The following FA2H variants were observed in gnomAD, a reference collection of about 807,000 sequenced individuals.
FA2H encodes fatty acid 2-hydroxylase.
In FA2H, 22 loss-of-function variants were observed where a neutral mutation model predicts 44.9. The observed-to-expected ratio is 0.49, with a 90% CI of 0.35 to 0.70. FA2H has a LOEUF of 0.70. Ranked by LOEUF, FA2H falls within the 30% of genes least tolerant of loss-of-function variation. FA2H has a pLI of 0.01. For synonymous variants in FA2H, 243 were observed against 213.2 expected (o/e 1.14, Z -1.22); for missense variants, 501 against 504.9 (o/e 0.99, Z 0.07).
chr16:74,720,087 C>G lies in FA2H; in HGVS notation c.614-927G>C, dbSNP rs569208260. Among the ~76,000 whole-genome samples the G allele has an allele frequency of 1.1e-4, 17 of 149,850 alleles. No individual in the cohort carries two copies. The South Asian group carries it at 3.7e-3, about 32-fold the overall frequency. ...CTCCGGAGACAGCCTGCAGTCCTAG[C>G]GGCTTTCAGCTCTTTCCTCCACCTC... On this transcript the variant is annotated intron_variant, in intron 4 of 6. Coordinates refer to ENST00000219368, the MANE Select transcript of FA2H (RefSeq NM_024306.5).
rs377183717 is a variant in FA2H, at chr16:74,726,211, G to C, written c.613+14C>G. On this transcript the variant is annotated intron_variant, in intron 4 of 6. Coordinates refer to ENST00000219368, the MANE Select transcript of FA2H (RefSeq NM_024306.5). ...AGGATCCTCAGGGCAAGTCAGGAAA[G>C]AAACTGGCATTACCTGTTGTAAATG... The C allele has an allele frequency of 4.1e-4, 650 of 1,584,088 alleles. 2 individuals are homozygous for C. The highest frequency in any genetic ancestry group is 5.3e-4 in the Non-Finnish European group (610 of 1,153,224).
At chr16:74,725,997 C>A (rs1270813641) in intron 4 of FA2H, 6 of 526,018 alleles carry the variant, frequency 1.1e-5, no homozygotes, top group African/African-American at 1.9e-5. Flanking sequence ...CCCGATGATT[C>A]CATTTAGTTT....
chr16:74,752,702 G>A (rs1287836858), intron 1 of FA2H, among the ~76,000 whole-genome samples: 4 of 152,146 alleles, frequency 2.6e-5, no homozygotes, highest in Admixed American at 6.5e-5. Context: ...GCATATTTGC[G>A]GCTGAATGGA....
intron 5 of FA2H, 109 bp downstream of exon 5, chr16:74,718,879 C>T: frequency 4.5e-6 from 6 of 1,335,268 alleles, no homozygotes; most frequent in Non-Finnish European, 6.3e-6. Context: ...TCCCTCCCAA[C>T]CCACAGCCAG....
At chr16:74,746,204 A>C (rs887362891) in intron 1 of FA2H, among the ~76,000 whole-genome samples, 7 of 152,152 alleles carry the variant, frequency 4.6e-5, no homozygotes, top group African/African-American at 1.7e-4. Context: ...ACTTAGGTCC[A>C]AGTCATAGGA....
chr16:74,730,128 G>A (rs1179526709), intron 2 of FA2H, among the ~76,000 whole-genome samples: 1 of 152,202 alleles, frequency 6.6e-6, no homozygotes, highest in Non-Finnish European at 1.5e-5. Flanking sequence ...CTGCTCTGGA[G>A]GTGGAGCTGG....
In FA2H at chr16:74,727,408, G is replaced by A. The variant is rs141515634; in HGVS notation, c.364-22C>T. ...GGTCCTGCAAGAGATGAAGCCAAGT[G>A]GACGTTTGATATTCACGTCTTCCCA... On this transcript the variant is annotated intron_variant, in intron 2 of 6. Coordinates refer to ENST00000219368, the MANE Select transcript of FA2H (RefSeq NM_024306.5). The A allele has an allele frequency of 1.0e-3, 1,672 of 1,613,818 alleles. 1 individual carries two copies. The highest frequency in any genetic ancestry group is 1.6e-3 in the Admixed American group (98 of 60,012).
At chr16:74,738,098 C>A (rs924955387) in intron 2 of FA2H, among the ~76,000 whole-genome samples, 1 of 152,232 alleles carries the variant, frequency 6.6e-6, no homozygotes, top group Non-Finnish European at 1.5e-5. Flanking sequence ...CCCATGCACA[C>A]CCGGGCAGGT....
chr16:74,716,770 T>A (rs1961714380), intron 5 of FA2H, 171 bp from the exon 6 acceptor site: 1 of 655,984 alleles, frequency 1.5e-6, no homozygotes. Flanking sequence ...CTGGAAGATC[T>A]GGAGAGACTG....
chr16:74,758,723 C>G (rs949282474), intron 1 of FA2H, among the ~76,000 whole-genome samples: 1 of 151,972 alleles, frequency 6.6e-6, no homozygotes, highest in Admixed American at 6.5e-5. Flanking sequence ...GCCAGGAGCT[C>G]GAGACTAGCC....
At chr16:74,743,304 G>A (rs754998591) in intron 1 of FA2H, among the ~76,000 whole-genome samples, 1 of 152,224 alleles carries the variant, frequency 6.6e-6, no homozygotes, top group Non-Finnish European at 1.5e-5. Context: ...TGTTCACCAT[G>A]TCCTGGTTCT....
At chr16:74,769,984 G>A (rs1480301323) in intron 1 of FA2H, among the ~76,000 whole-genome samples, 5 of 152,250 alleles carry the variant, frequency 3.3e-5, no homozygotes, top group Admixed American at 6.5e-5. Flanking sequence ...TACCTACAGA[G>A]GGTGCAGCAA....
chr16:74,748,958 G>T (rs530784681), intron 1 of FA2H, among the ~76,000 whole-genome samples: 3 of 152,314 alleles, frequency 2.0e-5, no homozygotes, highest in East Asian at 3.9e-4. Flanking sequence ...GGCCCAGGGG[G>T]AAGGTGGGGG....
At chr16:74,748,271 C>A (rs1459392447) in intron 1 of FA2H, among the ~76,000 whole-genome samples, 3 of 152,240 alleles carry the variant, frequency 2.0e-5, no homozygotes, top group African/African-American at 7.2e-5. Context: ...CTCTTTAGTG[C>A]AAACCTTGTT....
intron 1 of FA2H, among the ~76,000 whole-genome samples, chr16:74,753,448 G>A (rs374711701): frequency 3.3e-5 from 5 of 152,128 alleles, no homozygotes; most frequent in African/African-American, 4.8e-5. Flanking sequence ...TTGGGAGTCC[G>A]AGGCGGATGG....
chr16:74,769,826 G>C (rs892773533), intron 1 of FA2H, among the ~76,000 whole-genome samples: 2 of 152,328 alleles, frequency 1.3e-5, no homozygotes, highest in East Asian at 3.9e-4. Flanking sequence ...ACCGCCCTGA[G>C]CTCCTTCCCT....
intron 1 of FA2H, among the ~76,000 whole-genome samples, chr16:74,773,042 AT>A (rs936449958): frequency 3.3e-5 from 5 of 151,948 alleles, no homozygotes; most frequent in Non-Finnish European, 7.4e-5. Context: ...CACCCGGCTA[AT>A]TTTGGTATTT....
At chr16:74,731,955 A>G (rs1044374897) in intron 2 of FA2H, among the ~76,000 whole-genome samples, 2 of 152,106 alleles carry the variant, frequency 1.3e-5, no homozygotes, top group African/African-American at 4.8e-5. Flanking sequence ...TCACTGCAGC[A>G]CCAACCTCCT....
Position 74,774,808 on chromosome 16 carries a change from C to T in FA2H, c.-53G>A. The T allele has an allele frequency of 8.0e-7, 1 of 1,255,594 alleles. No individual in the cohort carries two copies. The highest frequency in any genetic ancestry group is 1.0e-6 in the Non-Finnish European group (1 of 1,003,972). The allele number at this position is 1,255,594 out of a possible 1,614,324, so 77.8% of individuals were successfully genotyped here. A position where few individuals can be genotyped will look rare whatever the true frequency, so the allele number is the denominator to read the frequency against. ...AGCCCGGCGTCTGCTCTGCTGCCAC[C>T]CTGAGCGCCTCTAACATCCCGGGAG... On this transcript the variant is annotated 5_prime_UTR_variant, in exon 1 of 7. Transcript: ENST00000219368.
Sources: allele counts gnomAD v4.1 joint callset (sites outside exome capture counted in the v4.1 genomes callset), GRCh38; gene constraint gnomAD v4.1.1; transcripts MANE v1.5; gene names NCBI Gene and HGNC (gene_info 2026-07-23, HGNC 2026-07-21).